ZRANB1: variants seen among roughly 807,000 people sequenced by gnomAD.
The protein encoded by ZRANB1 is zinc finger RANBP2-type containing 1, also known as ubiquitin thioesterase ZRANB1.
A neutral mutation model predicts 80.5 loss-of-function variants in ZRANB1; 16 were observed. That is an observed-to-expected ratio of 0.20 (90% CI 0.13 to 0.30). ZRANB1 has a LOEUF of 0.30. Among genes scored for constraint, ZRANB1 ranks in the 10% least tolerant of loss-of-function variants. The pLI, the probability that ZRANB1 is intolerant of heterozygous loss-of-function variation, is 1.00. For missense variants in ZRANB1, 576 were observed against 862.6 expected (o/e 0.67, Z 4.16); for synonymous variants, 291 against 293.1 (o/e 0.99, Z 0.07).
chr10:124,966,966 G>C (rs1951782179), intron 2 of ZRANB1, among the ~76,000 whole-genome samples, 185 bp downstream of exon 2: 1 of 152,126 alleles, frequency 6.6e-6, no homozygotes, highest in African/African-American at 2.4e-5. Flanking sequence ...TCAAATATTT[G>C]AATAGTCACA....
chr10:124,980,787 C>G (rs1045911312), intron 5 of ZRANB1, among the ~76,000 whole-genome samples: 1 of 151,868 alleles, frequency 6.6e-6, no homozygotes. Context: ...TTTTTCCCCC[C>G]GCAATATAGC....
the ZRANB1 span, among the ~76,000 whole-genome samples, chr10:124,918,460 A>G: frequency 6.6e-6 from 1 of 152,216 alleles, no homozygotes; most frequent in African/African-American, 2.4e-5. Context: ...AAAGTCCTGG[A>G]TTATAGGCAT....
chr10:124,960,769 G>T (rs574859240), intron 1 of ZRANB1, among the ~76,000 whole-genome samples: 9 of 152,174 alleles, frequency 5.9e-5, no homozygotes, highest in Admixed American at 4.6e-4. Flanking sequence ...TAAAAAAAAG[G>T]TGGGCTAGAC....
chr10:124,956,281 C>T (rs1365465458), intron 1 of ZRANB1, among the ~76,000 whole-genome samples: 1 of 152,004 alleles, frequency 6.6e-6, no homozygotes, highest in Admixed American at 6.6e-5. Flanking sequence ...TGTTTTGACT[C>T]TAGAGAATTG....
At chr10:124,969,576 C>G (rs969110081) in intron 2 of ZRANB1, among the ~76,000 whole-genome samples, 3 of 152,038 alleles carry the variant, frequency 2.0e-5, no homozygotes, top group African/African-American at 7.3e-5. Flanking sequence ...TTTCATGAAA[C>G]TTATGGACTC....
chr10:124,947,791 T>C (rs546208771), intron 1 of ZRANB1, among the ~76,000 whole-genome samples: 2 of 152,176 alleles, frequency 1.3e-5, no homozygotes, highest in Non-Finnish European at 2.9e-5. Flanking sequence ...ATTCTTTGGC[T>C]CTACCTTCAA....
At chr10:124,953,410 T>G (rs929350440) in intron 1 of ZRANB1, among the ~76,000 whole-genome samples, 4 of 152,122 alleles carry the variant, frequency 2.6e-5, no homozygotes, top group Admixed American at 1.3e-4. Flanking sequence ...CTGGATATGT[T>G]TGGGGGTTAT....
chr10:124,954,425 GTTAAAAATGGTACA>G, intron 1 of ZRANB1, among the ~76,000 whole-genome samples: 2 of 147,122 alleles, frequency 1.4e-5, no homozygotes, highest in East Asian at 4.1e-4. Flanking sequence ...AATGGTTTGA[GTTAAAAATGGTACA>G]TTAAAAGTTT....
At chr10:124,968,146 C>T (rs981990136) in intron 2 of ZRANB1, among the ~76,000 whole-genome samples, 1 of 152,184 alleles carries the variant, frequency 6.6e-6, no homozygotes, top group Non-Finnish European at 1.5e-5. Context: ...ATCTGCCCGC[C>T]TCGGCCCCCC....
In ZRANB1 at chr10:124,987,925, G is replaced by A. The variant is rs1018868365; in HGVS notation, c.*2933G>A. Reference sequence around the variant, plus strand: ...AAGCTCTTAACTCATGGGACTATTTGCAACACTTCTTTGTAAATATCATTT... The same window carrying A: ...AAGCTCTTAACTCATGGGACTATTTACAACACTTCTTTGTAAATATCATTT... On this transcript the variant is annotated 3_prime_UTR_variant, in exon 9 of 9. Coordinates refer to ENST00000359653, the MANE Select transcript of ZRANB1 (RefSeq NM_017580.3). 1 of 152,360 alleles carries A rather than the reference G, an allele frequency of 6.6e-6. No individual in the cohort carries two copies. The highest frequency in any genetic ancestry group is 2.4e-5 in the African/African-American group (1 of 41,442). 9.4% of individuals were successfully genotyped at this position (152,360 alleles called of 1,614,324 possible).
At chr10:124,937,168 G>C (rs575279626), upstream of ZRANB1, among the ~76,000 whole-genome samples, 1 of 147,746 alleles carries the variant, frequency 6.8e-6, no homozygotes, top group Non-Finnish European at 1.5e-5. Context: ...CACTTGAAGA[G>C]AATTATTTGT....
At chr10:124,968,489 G>T (rs1242998607) in intron 2 of ZRANB1, among the ~76,000 whole-genome samples, 1 of 152,158 alleles carries the variant, frequency 6.6e-6, no homozygotes, top group Admixed American at 6.5e-5. Context: ...AAACAAAAGG[G>T]CAGGCTTATT....
chr10:124,919,917 C>T, the ZRANB1 span, among the ~76,000 whole-genome samples: 5 of 122,236 alleles, frequency 4.1e-5, no homozygotes, highest in Admixed American at 3.1e-4. Flanking sequence ...GGCCCCCCCC[C>T]CCCCTTTTTT....
chr10:124,968,750 A>G (rs1951796841), intron 2 of ZRANB1, among the ~76,000 whole-genome samples: 1 of 152,160 alleles, frequency 6.6e-6, no homozygotes, highest in African/African-American at 2.4e-5. Flanking sequence ...AAAGGTAGGT[A>G]GAAGATTATT....
chr10:124,932,150 G>A, the ZRANB1 span, among the ~76,000 whole-genome samples: 1 of 151,910 alleles, frequency 6.6e-6, no homozygotes, highest in East Asian at 1.9e-4. Context: ...TAGCCCATTT[G>A]TTTTTAGAGC....
At chr10:124,965,765 T>C (rs1951770924) in intron 1 of ZRANB1, among the ~76,000 whole-genome samples, 1 of 152,232 alleles carries the variant, frequency 6.6e-6, no homozygotes, top group East Asian at 1.9e-4. Context: ...TAATCTACTG[T>C]TTCTTTGCCC....
chr10:124,957,632 C>G (rs764599830), intron 1 of ZRANB1, among the ~76,000 whole-genome samples: 3 of 152,126 alleles, frequency 2.0e-5, no homozygotes, highest in Non-Finnish European at 4.4e-5. Flanking sequence ...GTAATAACCT[C>G]ATGAATGGAA....
chr10:124,978,833 C>T (rs985579071), intron 5 of ZRANB1, among the ~76,000 whole-genome samples: 11 of 124,546 alleles, frequency 8.8e-5, no homozygotes, highest in East Asian at 2.4e-4. Flanking sequence ...TTTGTAGAGA[C>T]GGGGTTTCGC....
chr10:124,977,338 T>C (rs1951886606), intron 5 of ZRANB1, among the ~76,000 whole-genome samples: 1 of 149,234 alleles, frequency 6.7e-6, no homozygotes, highest in Non-Finnish European at 1.5e-5. Flanking sequence ...TGCTTTGGGG[T>C]TTATGCCCAC....
Sources: allele counts gnomAD v4.1 joint callset (sites outside exome capture counted in the v4.1 genomes callset), GRCh38; gene constraint gnomAD v4.1.1; transcripts MANE v1.5; gene names NCBI Gene and HGNC (gene_info 2026-07-23, HGNC 2026-07-21).